Variants in INPP4B observed in about 807,000 individuals in gnomAD.
The protein encoded by INPP4B is inositol polyphosphate 4-phosphatase type II.
Under a neutral mutation model 122.5 loss-of-function variants are expected in INPP4B, and 55 were observed. The ratio of observed to expected loss-of-function variants is 0.45; its 90% confidence interval spans 0.36 to 0.56. The LOEUF (loss-of-function observed/expected upper bound fraction) is 0.56, where lower values mean the gene tolerates loss of function less well. INPP4B is among the 20% of genes least tolerant of loss of function. The pLI, the probability that INPP4B is intolerant of heterozygous loss-of-function variation, is 0.00. For synonymous variants in INPP4B, 403 were observed against 388.7 expected (o/e 1.04, Z -0.43); for missense variants, 1,000 against 1,097.7 (o/e 0.91, Z 1.26).
chr4:142,515,924 A>C (rs978873638), intron 2 of INPP4B, among the ~76,000 whole-genome samples: 2 of 152,172 alleles, frequency 1.3e-5, no homozygotes, highest in South Asian at 4.1e-4. Flanking sequence ...GCATTGTTCT[A>C]AGTCAAAGAT....
At chr4:142,196,228 A>G (rs1381612988) in intron 14 of INPP4B, among the ~76,000 whole-genome samples, 4 of 152,020 alleles carry the variant, frequency 2.6e-5, no homozygotes, top group Non-Finnish European at 5.9e-5. Flanking sequence ...TTTTCATTCT[A>G]TTTTCTATTT....
chr4:142,034,511 T>C (rs1742585885), intron 25 of INPP4B, among the ~76,000 whole-genome samples: 1 of 151,998 alleles, frequency 6.6e-6, no homozygotes, highest in Non-Finnish European at 1.5e-5. Context: ...ATTCTATTAC[T>C]CACGCAACCC....
intron 25 of INPP4B, among the ~76,000 whole-genome samples, chr4:142,058,852 TACA>T (rs1452240903): frequency 6.6e-6 from 1 of 152,126 alleles, no homozygotes; most frequent in East Asian, 1.9e-4. Flanking sequence ...TGATAGTGTT[TACA>T]ACAATTGAGA....
intron 2 of INPP4B, among the ~76,000 whole-genome samples, chr4:142,530,841 G>C (rs1327629171): frequency 6.6e-6 from 1 of 151,966 alleles, no homozygotes; most frequent in Non-Finnish European, 1.5e-5. Context: ...GAGCAAGAAG[G>C]CCAGTGTGGG....
intron 2 of INPP4B, among the ~76,000 whole-genome samples, chr4:142,481,338 C>G (rs1820517568): frequency 6.6e-6 from 1 of 151,620 alleles, no homozygotes; most frequent in African/African-American, 2.4e-5. Context: ...AAAAGGAAAA[C>G]AGAAAAAATC....
chr4:142,644,012 G>C (rs1751151877), intron 2 of INPP4B, among the ~76,000 whole-genome samples: 1 of 151,922 alleles, frequency 6.6e-6, no homozygotes, highest in Non-Finnish European at 1.5e-5. Flanking sequence ...ACTAGCCTGG[G>C]CAACATTGCG....
intron 12 of INPP4B, among the ~76,000 whole-genome samples, chr4:142,227,158 T>C (rs549112515): frequency 6.6e-6 from 1 of 152,174 alleles, no homozygotes; most frequent in Non-Finnish European, 1.5e-5. Flanking sequence ...GTGGGAGAGC[T>C]GGGATACTTA....
At chr4:142,509,840 A>C (rs1173507221) in intron 2 of INPP4B, among the ~76,000 whole-genome samples, 1 of 152,206 alleles carries the variant, frequency 6.6e-6, no homozygotes, top group Non-Finnish European at 1.5e-5. Context: ...ATTCAATAAT[A>C]TGATGCATGC....
intron 2 of INPP4B, among the ~76,000 whole-genome samples, chr4:142,530,500 C>T (rs1244682789): frequency 6.7e-6 from 1 of 149,394 alleles, no homozygotes; most frequent in African/African-American, 2.5e-5. Context: ...AACTAGTAAA[C>T]AAATATACAT....
At chr4:142,070,683 T>C (rs957264001) in intron 25 of INPP4B, among the ~76,000 whole-genome samples, 1 of 152,156 alleles carries the variant, frequency 6.6e-6, no homozygotes, top group Non-Finnish European at 1.5e-5. Context: ...AGCATTCCTA[T>C]ACACCAATAA....
At chr4:142,442,419 A>AAAC (rs1812009343) in intron 3 of INPP4B, among the ~76,000 whole-genome samples, 1 of 150,970 alleles carries the variant, frequency 6.6e-6, no homozygotes, top group African/African-American at 2.4e-5. Context: ...CTCAAAAAAA[A>AAAC]AAAAAAAAAA....
At chr4:142,029,016 C>T in intron 25 of INPP4B, 102 bp from the exon 26 acceptor site, 1 of 1,459,574 alleles carries the variant, frequency 6.9e-7, no homozygotes, top group Non-Finnish European at 9.0e-7. Context: ...GTAAAAATAA[C>T]AAAGATTCAA....
chr4:142,606,484 CA>C (rs1320244843), intron 2 of INPP4B, among the ~76,000 whole-genome samples: 1 of 151,870 alleles, frequency 6.6e-6, no homozygotes, highest in Non-Finnish European at 1.5e-5. Context: ...GATCATTACA[CA>C]TTCTTTGCAT....
At chr4:142,508,875 G>A (rs1450100196) in intron 2 of INPP4B, among the ~76,000 whole-genome samples, 2 of 152,130 alleles carry the variant, frequency 1.3e-5, no homozygotes, top group Non-Finnish European at 2.9e-5. Context: ...AAAATGCACA[G>A]GGCAGCCCCT....
At chr4:142,084,272 T>A (rs1005081746) in intron 24 of INPP4B, among the ~76,000 whole-genome samples, 1 of 152,024 alleles carries the variant, frequency 6.6e-6, no homozygotes, top group Non-Finnish European at 1.5e-5. Context: ...TACAGGCATG[T>A]GCCACCATGC....
intron 25 of INPP4B, among the ~76,000 whole-genome samples, chr4:142,052,710 A>C (rs1858297): frequency 0.81 from 123,597 of 151,862 alleles, 52,443 homozygotes; most frequent in Non-Finnish European, 0.92. Context: ...AGCAGGACAC[A>C]CTGGGGAAGT....
At chr4:142,594,280 G>A (rs1738193798) in intron 2 of INPP4B, among the ~76,000 whole-genome samples, 1 of 152,180 alleles carries the variant, frequency 6.6e-6, no homozygotes, top group Non-Finnish European at 1.5e-5. Context: ...TTTTAGAAAT[G>A]TGTTTACTGA....
At chr4:142,757,296 C>T (rs939477019) in intron 1 of INPP4B, among the ~76,000 whole-genome samples, 3 of 152,104 alleles carry the variant, frequency 2.0e-5, no homozygotes, top group Non-Finnish European at 4.4e-5. Flanking sequence ...ATCATTATCA[C>T]TCAAAGTCCA....
intron 2 of INPP4B, among the ~76,000 whole-genome samples, chr4:142,643,135 C>T (rs1452892863): frequency 1.3e-5 from 2 of 152,118 alleles, no homozygotes; most frequent in African/African-American, 2.4e-5. Context: ...TGAGACTTTG[C>T]TGAAGTTACT....
Sources: gnomAD v4.1 joint callset for allele counts (sites outside exome capture counted in the v4.1 genomes callset) on GRCh38, gnomAD v4.1.1 for gene constraint, MANE v1.5 for transcripts, NCBI Gene and HGNC (gene_info 2026-07-23, HGNC 2026-07-21) for gene names.